DRAM2: variants seen among roughly 807,000 people sequenced by gnomAD.
DRAM2 encodes the protein DNA damage-regulated autophagy modulator protein 2.
DRAM2 carries 26 observed loss-of-function variants against 33.5 expected under a neutral mutation model. The ratio of observed to expected loss-of-function variants is 0.78; its 90% CI spans 0.57 to 1.08. DRAM2 has a LOEUF of 1.08. DRAM2 is among the 50% of genes least tolerant of loss of function. The pLI, the probability that DRAM2 is intolerant of heterozygous loss-of-function variation, is 0.00. For missense variants in DRAM2, 311 were observed against 318.1 expected, an observed-to-expected ratio of 0.98 and a Z score of 0.17; for synonymous variants, 98 against 109.5, an observed-to-expected ratio of 0.89 and a Z score of 0.66.
rs541488223 is a variant in DRAM2, at chr1:111,136,207, TA to T, written c.-15+1315del. Among the ~76,000 whole-genome samples the T allele has an allele frequency of 7.2e-5, 11 of 152,334 alleles. No homozygotes were observed. In the South Asian group the frequency reaches 2.3e-3, roughly 32 times the overall value. ...ATTCCTCTGCTCAAAACTTTTTTTTTAATAAAATTGTGTGAACTTCAGCAAG... is the reference window on the plus strand; with the variant it reads ...ATTCCTCTGCTCAAAACTTTTTTTTTATAAAATTGTGTGAACTTCAGCAAG... On this transcript the variant is annotated intron_variant, in intron 3 of 9. Transcript: ENST00000484310.
At position 111,126,236 on chromosome 1, in the gene DRAM2, C is replaced by G. The variant is rs1444263060; in HGVS notation, c.190G>C (p.Ala64Pro). ...CLFGAMLNIAAVLCIATIYVR... is the reference protein window; with the variant it reads ...CLFGAMLNIAPVLCIATIYVR... ...CACTTTCATTACTTACATAAAACTGCCGCAATATTTAGCATTGCCCCAAAT... is the reference window on the plus strand; with the variant it reads ...CACTTTCATTACTTACATAAAACTGGCGCAATATTTAGCATTGCCCCAAAT... The change falls in exon 5 of 10, where the codon GCA becomes CCA. Residue 64 changes from alanine (A) to proline (P), a missense_variant. Transcript: ENST00000484310. 6.2e-7 allele frequency: 1 copy of G among 1,608,246 alleles called. No homozygotes were observed. Among genetic ancestry groups the G allele is most frequent in the African/African-American group, 1.3e-5 (1 of 74,384 alleles).
rs765079846 is a variant in DRAM2, at chr1:111,119,866, T to C, written c.600+11A>G. The C allele has an allele frequency of 1.2e-5, 19 of 1,608,052 alleles. No homozygotes were observed. Among genetic ancestry groups the C allele is most frequent in the Non-Finnish European group, 1.5e-5 (18 of 1,175,198 alleles). On this transcript the variant is annotated intron_variant, in intron 8 of 9. Transcript: ENST00000484310. ...AATATAAAACTAAGTTTATAGACTG[T>C]AAGTTCTTACTTTGTCCTCGGGGTT...
intron 8 of DRAM2, among the ~76,000 whole-genome samples, chr1:111,119,317 A>T (rs771515108): frequency 6.6e-6 from 1 of 152,024 alleles, no homozygotes; most frequent in Non-Finnish European, 1.5e-5. Context: ...AAATTATTTC[A>T]TTCATTCATT....
chr1:111,138,128 T>G (rs1286356498), intron 2 of DRAM2, among the ~76,000 whole-genome samples: 4 of 152,270 alleles, frequency 2.6e-5, no homozygotes, highest in African/African-American at 9.6e-5. Context: ...TTATTAATTA[T>G]GTAGTCATAA....
intron 6 of DRAM2, 84 bp downstream of exon 6, chr1:111,124,658 T>C (rs1650631925): frequency 7.0e-7 from 1 of 1,431,598 alleles, no homozygotes; most frequent in Non-Finnish European, 9.6e-7. Flanking sequence ...AACAACAGCA[T>C]GTAACTGAAT....
At chr1:111,137,117 G>T (rs1048413156) in intron 3 of DRAM2, among the ~76,000 whole-genome samples, 4 of 151,760 alleles carry the variant, frequency 2.6e-5, no homozygotes, top group African/African-American at 9.7e-5. Context: ...GCCGGGCGAG[G>T]TGGTGGGCGC....
rs200318036 is a variant in DRAM2 at position 111,120,381 on chromosome 1, C to CAAAAAA, written c.517+129_517+134dup. ...ATTGTGAACCTAAGAATCTCTCCTA[C>CAAAAAA]AAAAAAAAAAAAAAAAAAAAAAAAA... On this transcript the variant is annotated intron_variant, in intron 7 of 9. Transcript: ENST00000484310. 5.7e-4 allele frequency: 98 copies of CAAAAAA among 173,206 alleles called. 4 individuals are homozygous for CAAAAAA. Among genetic ancestry groups the CAAAAAA allele is most frequent in the Non-Finnish European group, 6.7e-4 (72 of 106,916 alleles). 10.7% of individuals were successfully genotyped at this position (173,206 alleles called of 1,614,324 possible). A position where few individuals can be genotyped will look rare whatever the true frequency, so the allele number is the denominator to read the frequency against.
intron 6 of DRAM2, among the ~76,000 whole-genome samples, chr1:111,123,742 TG>T (rs1557887272): frequency 6.6e-6 from 1 of 152,048 alleles, no homozygotes; most frequent in African/African-American, 2.4e-5. Flanking sequence ...TGTGGGGGGT[TG>T]GGGGTGGTGA....
intron 3 of DRAM2, among the ~76,000 whole-genome samples, chr1:111,135,007 G>T (rs1250648916): frequency 5.3e-5 from 8 of 152,080 alleles, no homozygotes; most frequent in Admixed American, 5.2e-4. Flanking sequence ...TTTTCAGGTG[G>T]TATCTTTATT....
chr1:111,120,042 C>T lies in DRAM2; in HGVS notation c.518-83G>A, dbSNP rs1303537855. The T allele has an allele frequency of 2.5e-6, 3 of 1,192,496 alleles. No homozygotes were observed. The East Asian group carries it at 7.3e-5, about 29-fold the overall frequency. 73.9% of individuals were successfully genotyped at this position (1,192,496 alleles called of 1,614,324 possible). A position where few individuals can be genotyped will look rare whatever the true frequency, so the allele number is the denominator to read the frequency against. Reference sequence around the variant, plus strand: ...CTTTACAGTCTAAAAGGATTACTCACACATTTATTGCTAAGGTCTAAACCC... The same window carrying T: ...CTTTACAGTCTAAAAGGATTACTCATACATTTATTGCTAAGGTCTAAACCC... On this transcript the variant is annotated intron_variant, in intron 7 of 9. Transcript: ENST00000484310.
At chr1:111,134,882 C>T (rs1652857630) in intron 3 of DRAM2, among the ~76,000 whole-genome samples, 2 of 152,030 alleles carry the variant, frequency 1.3e-5, no homozygotes, top group South Asian at 4.2e-4. Context: ...GACAGTATGG[C>T]ACATTACCAA....
intron 3 of DRAM2, among the ~76,000 whole-genome samples, chr1:111,132,673 T>C (rs1652337381): frequency 7.0e-6 from 1 of 143,642 alleles, no homozygotes; most frequent in African/African-American, 2.7e-5. Flanking sequence ...TTGGGTGGTT[T>C]TTCTTCCTCT....
chr1:111,136,657 A>T (rs1653242861), intron 3 of DRAM2, among the ~76,000 whole-genome samples: 1 of 152,230 alleles, frequency 6.6e-6, no homozygotes, highest in Non-Finnish European at 1.5e-5. Context: ...CATCTGCTAT[A>T]GCAACCACTG....
intron 3 of DRAM2, 59 bp from the exon 4 acceptor site, chr1:111,131,627 T>C: frequency 6.4e-7 from 1 of 1,559,566 alleles, no homozygotes; most frequent in Non-Finnish European, 8.8e-7. Flanking sequence ...CATCCTACTT[T>C]AGCCATCCAT....
In DRAM2 at chr1:111,119,954, T is replaced by A. The variant is rs760675639; in HGVS notation, c.523A>T (p.Thr175Ser). 39 of 1,612,300 alleles carry A rather than the reference T, an allele frequency of 2.4e-5. 1 individual carries two copies. The South Asian group carries it at 4.1e-4, about 17-fold the overall frequency. ...WCGVSALSML[T>S]CSSVLHSGNF... is the part of the protein sequence containing the mutation. ...CCACTGTGCAAAACTGATGAGCAAG[T>A]CAGCACTATAAAAACATAAGTCAAG... The change falls in exon 8 of 10, where the codon ACT becomes TCT. Residue 175 changes from threonine to serine, a missense_variant. Transcript: ENST00000484310.
intron 5 of DRAM2, among the ~76,000 whole-genome samples, chr1:111,125,986 T>G (rs1453647752): frequency 6.6e-6 from 1 of 152,172 alleles, no homozygotes; most frequent in Non-Finnish European, 1.5e-5. Context: ...ACTTAACAAC[T>G]TCCATTTGAA....
chr1:111,123,144 T>C (rs1650347524), intron 6 of DRAM2, among the ~76,000 whole-genome samples: 1 of 152,134 alleles, frequency 6.6e-6, no homozygotes, highest in Non-Finnish European at 1.5e-5. Flanking sequence ...CTACAGAAAC[T>C]GATTAGGGAA....
At chr1:111,122,912 AAAG>A (rs1414983213) in intron 6 of DRAM2, among the ~76,000 whole-genome samples, 1 of 152,164 alleles carries the variant, frequency 6.6e-6, no homozygotes, top group Non-Finnish European at 1.5e-5. Flanking sequence ...GCAAAACAAT[AAAG>A]AAAGTATATA....
chr1:111,131,676 C>A, intron 3 of DRAM2, 108 bp from the exon 4 acceptor site: 1 of 1,049,288 alleles, frequency 9.5e-7, no homozygotes, highest in Non-Finnish European at 1.4e-6. Context: ...GCTGTTTCAC[C>A]TCTGAAATCA....
Sources: allele counts gnomAD v4.1 joint callset (sites outside exome capture counted in the v4.1 genomes callset), GRCh38; gene constraint gnomAD v4.1.1; transcripts MANE v1.5; gene names NCBI Gene and HGNC (gene_info 2026-07-23, HGNC 2026-07-21).